RPS6KA3: variants seen among roughly 807,000 people sequenced by gnomAD.
RPS6KA3 encodes ribosomal protein S6 kinase alpha-3.
In RPS6KA3, 4 loss-of-function variants were observed where a neutral mutation model predicts 67.2. The ratio of observed to expected loss-of-function variants is 0.06; its 90% CI spans 0.03 to 0.14. RPS6KA3 has a LOEUF of 0.14. RPS6KA3 is among the 10% of genes least tolerant of loss of function. The pLI is 1.00. For missense variants in RPS6KA3, 204 were observed against 559.0 expected (o/e 0.36, Z 6.40); for synonymous variants, 182 against 183.7 (o/e 0.99, Z 0.07).
chrX:20,233,793 A>G (rs2069336588), intron 2 of RPS6KA3, among the ~76,000 whole-genome samples: 1 of 111,740 alleles, frequency 8.9e-6, no homozygotes, highest in African/African-American at 3.3e-5. Context: ...AAGAAGAGGT[A>G]GTTCTATATG....
chrX:20,213,454 T>C (rs1019083072), intron 2 of RPS6KA3, among the ~76,000 whole-genome samples: 1 of 111,813 alleles, frequency 8.9e-6, no homozygotes, highest in African/African-American at 3.3e-5. Context: ...ACACTTCTTA[T>C]CTTTTCTCTG....
rs1195617645 is a variant in RPS6KA3, at chrX:20,184,496, C to T, written c.845+1800G>A. Among the ~76,000 whole-genome samples, 3 of 106,691 alleles carry T rather than the reference C, an allele frequency of 2.8e-5. No homozygotes were observed. The East Asian group carries it at 8.7e-4, about 31-fold the overall frequency. 92.6% of individuals were successfully genotyped at this position (106,691 alleles called of 115,157 possible). A position where few individuals can be genotyped will look rare whatever the true frequency, so the allele number is the denominator to read the frequency against. ...TCAGGGCTCACTGCAGTCTTGACCT[C>T]CCAGGCTCAAGTGATCCTCTCACCT... On this transcript the variant is annotated intron_variant, in intron 10 of 21. Transcript: ENST00000379565.
chrX:20,190,567 A>G (rs2068095145), intron 7 of RPS6KA3, among the ~76,000 whole-genome samples: 1 of 111,850 alleles, frequency 8.9e-6, no homozygotes, highest in Admixed American at 9.5e-5. Flanking sequence ...AGTATAAAAC[A>G]CACATTTTTA....
chrX:20,152,674 G>A lies in RPS6KA3; in HGVS notation c.*2724C>T, dbSNP rs1265896879. On this transcript the variant is annotated 3_prime_UTR_variant, in exon 22 of 22. Transcript: ENST00000379565. ...ATATTTAGAGCACATCGTTGGCCAAGTTTTTCCACTGTATGTCAAAAGCAA... is the reference window on the plus strand; with the variant it reads ...ATATTTAGAGCACATCGTTGGCCAAATTTTTCCACTGTATGTCAAAAGCAA... The A allele has an allele frequency of 1.8e-5, 2 of 112,215 alleles. No individual in the cohort carries two copies. Among genetic ancestry groups the A allele is most frequent in the African/African-American group, 3.2e-5 (1 of 30,882 alleles). 9.2% of individuals were successfully genotyped at this position (112,215 alleles called of 1,213,427 possible). A position where few individuals can be genotyped will look rare whatever the true frequency, so the allele number is the denominator to read the frequency against.
chrX:20,251,845 A>G (rs1181372331), intron 1 of RPS6KA3, among the ~76,000 whole-genome samples: 1 of 112,294 alleles, frequency 8.9e-6, no homozygotes, highest in African/African-American at 3.2e-5. Context: ...TTTGGGATTC[A>G]GTCAGCTTCC....
chrX:20,260,494 G>A lies in RPS6KA3; in HGVS notation c.69+6070C>T, dbSNP rs1308480105. 3.6e-5 allele frequency among the ~76,000 whole-genome samples: 4 copies of A among 110,978 alleles called. No individual in the cohort carries two copies. In the Admixed American group the frequency reaches 3.8e-4, roughly 11 times the overall value. ...CCCTTTAAAGACAATACTGAGGAAGGGATCAATGCAAAAAGGGTAAGATTA... is the reference window on the plus strand; with the variant it reads ...CCCTTTAAAGACAATACTGAGGAAGAGATCAATGCAAAAAGGGTAAGATTA... On this transcript the variant is annotated intron_variant, in intron 1 of 21. Transcript: ENST00000379565.
chrX:20,241,297 G>C (rs1363663611), intron 1 of RPS6KA3, among the ~76,000 whole-genome samples: 2 of 109,546 alleles, frequency 1.8e-5, no homozygotes, highest in African/African-American at 3.3e-5. Flanking sequence ...TATGAAACAA[G>C]AGTATGTTGA....
chrX:20,259,881 G>A (rs780786535), intron 1 of RPS6KA3, among the ~76,000 whole-genome samples: 2 of 111,013 alleles, frequency 1.8e-5, no homozygotes, highest in South Asian at 3.8e-4. Context: ...CTTGAGGCAT[G>A]GATACACCTT....
intron 10 of RPS6KA3, among the ~76,000 whole-genome samples, chrX:20,183,912 T>C (rs751101258): frequency 8.9e-6 from 1 of 112,607 alleles, no homozygotes; most frequent in Admixed American, 9.4e-5. Context: ...AAAATACACA[T>C]TGAATTTCAA....
intron 17 of RPS6KA3, among the ~76,000 whole-genome samples, chrX:20,166,539 G>T (rs151060563): frequency 0.016 from 1,728 of 110,647 alleles, 36 homozygotes; most frequent in African/African-American, 0.054. Context: ...TTTTATATAT[G>T]CATGTATCAA....
chrX:20,225,242 TG>T (rs374828081), intron 2 of RPS6KA3, among the ~76,000 whole-genome samples: 1,570 of 91,671 alleles, frequency 0.017, 40 homozygotes, highest in African/African-American at 0.063. Flanking sequence ...TTTTTTTTTT[TG>T]TTTTTTTTTT....
At chrX:20,265,873 T>A (rs1021221543) in intron 1 of RPS6KA3, 2 of 110,378 alleles carry the variant, frequency 1.8e-5, no homozygotes, top group African/African-American at 6.6e-5. Flanking sequence ...CTGATCTCCT[T>A]GAATATCACC....
At chrX:20,255,153 TA>T (rs2070003831) in intron 1 of RPS6KA3, among the ~76,000 whole-genome samples, 1 of 112,256 alleles carries the variant, frequency 8.9e-6, no homozygotes, top group South Asian at 3.6e-4. Flanking sequence ...TTCAGCCACA[TA>T]AAAGAATGAA....
chrX:20,253,913 G>A (rs1289529595), intron 1 of RPS6KA3, among the ~76,000 whole-genome samples: 4 of 110,823 alleles, frequency 3.6e-5, no homozygotes, highest in African/African-American at 1.3e-4. Context: ...AGCTGGCGGG[G>A]GAGGGGAGGT....
intron 18 of RPS6KA3, among the ~76,000 whole-genome samples, chrX:20,164,029 T>C (rs1184761600): frequency 9.0e-6 from 1 of 111,175 alleles, no homozygotes; most frequent in Non-Finnish European, 1.9e-5. Flanking sequence ...TGTTCTCCTG[T>C]AGTCCCAGCT....
intron 1 of RPS6KA3, among the ~76,000 whole-genome samples, chrX:20,244,842 G>A (rs973080392): frequency 6.3e-5 from 7 of 111,618 alleles, no homozygotes; most frequent in Non-Finnish European, 9.4e-5. Flanking sequence ...ATTCTAGGAA[G>A]GTTATGGTTC....
At chrX:20,204,522 G>T (rs1020093392) in intron 3 of RPS6KA3, among the ~76,000 whole-genome samples, 1 of 112,250 alleles carries the variant, frequency 8.9e-6, no homozygotes, top group African/African-American at 3.2e-5. Context: ...ACAATTTCCT[G>T]TTGATACAAG....
chrX:20,205,103 A>G (rs1220797959), intron 3 of RPS6KA3, among the ~76,000 whole-genome samples: 1 of 112,285 alleles, frequency 8.9e-6, no homozygotes, highest in Non-Finnish European at 1.9e-5. Context: ...GACTTTGCAA[A>G]TATTTGCGCA....
At chrX:20,159,700 CAATT>C (rs1202874304) in intron 20 of RPS6KA3, among the ~76,000 whole-genome samples, 2 of 111,963 alleles carry the variant, frequency 1.8e-5, no homozygotes. Flanking sequence ...ATTAAAAAAT[CAATT>C]AATGTGTAAG....
Sources: gnomAD v4.1 joint callset for allele counts (sites outside exome capture counted in the v4.1 genomes callset) on GRCh38, gnomAD v4.1.1 for gene constraint, MANE v1.5 for transcripts, NCBI Gene and HGNC (gene_info 2026-07-23, HGNC 2026-07-21) for gene names.